SIGLEC11: variants seen among roughly 807,000 people sequenced by gnomAD.
SIGLEC11 encodes sialic acid-binding Ig-like lectin 11.
In SIGLEC11, 47 loss-of-function variants were observed where a neutral mutation model predicts 61.2. The ratio of observed to expected loss-of-function variants is 0.77; its 90% CI spans 0.61 to 0.98. SIGLEC11 has a LOEUF of 0.98. Ranked by LOEUF, SIGLEC11 falls within the 50% of genes least tolerant of loss-of-function variation. The probability of loss-of-function intolerance (pLI) is 0.00; values close to 1 mark genes in which losing one functional copy is unlikely to be tolerated. For synonymous variants in SIGLEC11, 278 were observed against 373.1 expected (o/e 0.75, Z 2.94); for missense variants, 610 against 870.3 (o/e 0.70, Z 3.76).
At chr19:49,958,969 C>T in intron 6 of SIGLEC11, 61 bp downstream of exon 6, 2 of 1,613,290 alleles carry the variant, frequency 1.2e-6, no homozygotes, top group South Asian at 1.1e-5. Flanking sequence ...GGGGACCCTC[C>T]AGACTCCTGG....
Position 49,949,960 on chromosome 19 carries a change from G to T in SIGLEC11, c.*10C>A. 1 of 1,433,114 alleles carries T rather than the reference G, an allele frequency of 7.0e-7. No homozygotes were observed. The highest frequency in any genetic ancestry group is 2.8e-5 in the Admixed American group (1 of 36,332). 88.8% of individuals were successfully genotyped at this position (1,433,114 alleles called of 1,614,324 possible). On this transcript the variant is annotated 3_prime_UTR_variant, in exon 11 of 11. Transcript: ENST00000447370. Reference sequence around the variant, plus strand: ...ACACTTGCTGGTGTCCTGTTGCCATGGAGACCTCTTCACTTTGGAACCATC... The same window carrying T: ...ACACTTGCTGGTGTCCTGTTGCCATTGAGACCTCTTCACTTTGGAACCATC...
chr19:49,950,125 T>G lies in SIGLEC11; in HGVS notation c.1942A>C (p.Ser648Arg). 1 of 1,612,650 alleles carries G rather than the reference T, an allele frequency of 6.2e-7. No individual in the cohort carries two copies. The highest frequency in any genetic ancestry group is 1.7e-4 in the Middle Eastern group (1 of 6,058). The part of the protein sequence containing the change: ...EEQELHYASL[S>R]FQGLRLWEPA... ...TCCCAGAGCCTCAGGCCCTGGAAGC[T>G]GAGGGAGGCATAGTGGAGCTCCTGC... The change falls in exon 11 of 11, where the codon AGC (serine) becomes CGC (arginine). Residue 648 changes from serine to arginine, a missense_variant. Ser to Arg is a moderately radical substitution (Grantham distance 110, BLOSUM62 -1). Transcript: ENST00000447370.
Position 49,958,656 on chromosome 19 carries a change from G to A in SIGLEC11, c.1350C>T (p.Ser450=), listed in dbSNP as rs781189521. The change falls in exon 7 of 11, where the codon AGC becomes AGT. Residue 450 remains serine, a synonymous_variant. Transcript: ENST00000447370. ...TCCCCCACTCACAGTGCACGGAGAG[G>A]CTGAGAGAGACGTGCTGGGAGCCCA... ...HPLGSQHVSL[S]LSVHYPPQLL... The A allele has an allele frequency of 6.3e-7, 1 of 1,599,988 alleles. No individual in the cohort carries two copies. Among genetic ancestry groups the A allele is most frequent in the South Asian group, 1.1e-5 (1 of 88,066 alleles).
In SIGLEC11 at chr19:49,959,034, C is replaced by T. The variant is rs771199442; in HGVS notation, c.1101G>A (p.Arg367=). The T allele has an allele frequency of 6.2e-7, 1 of 1,613,904 alleles. No individual in the cohort carries two copies. The highest frequency in any genetic ancestry group is 8.5e-7 in the Non-Finnish European group (1 of 1,179,832). ...NLRVMVSQAN[R]TVLENLGNGT... ...CTCCTCTGTCTCCTTTCCTACCTGT[C>T]CTGTTTGCTTGGGAAACCATCACTC... Residue 367 remains arginine, a synonymous_variant, in exon 6 of 11, where the codon AGG becomes AGA. Coordinates refer to ENST00000447370, the MANE Select transcript of SIGLEC11 (RefSeq NM_052884.3).
Position 49,959,457 on chromosome 19 carries a change from C to G in SIGLEC11, c.960G>C (p.Glu320Asp). ...AATCCCCGGCCCTTACCCCACGCAG[C>G]TCCAGCCCCAGGGTTCTGGGGCCCC... is the stretch of plus-strand genomic sequence containing the variant. ...HPWGPRTLGL[E>D]LRGVRAGDSG... The change falls in exon 5 of 11, where the codon GAG (glutamate) becomes GAC (aspartate). Residue 320 changes from glutamate to aspartate, a missense_variant. This residue lies in a region of SIGLEC11 where 28 missense variants were observed against 66.9 expected (regional missense o/e 0.42). Coordinates refer to ENST00000447370, the MANE Select transcript of SIGLEC11 (RefSeq NM_052884.3). 1 of 1,591,186 alleles carries G rather than the reference C, an allele frequency of 6.3e-7. No homozygotes were observed. Among genetic ancestry groups the G allele is most frequent in the Non-Finnish European group, 8.5e-7 (1 of 1,178,172 alleles).
At chr19:49,950,945 G>T (rs1479308651) in intron 10 of SIGLEC11, among the ~76,000 whole-genome samples, 3 of 152,098 alleles carry the variant, frequency 2.0e-5, no homozygotes, top group Non-Finnish European at 4.4e-5. Flanking sequence ...GATTCCCCTT[G>T]CCCAGAGAAA....
rs759148240 is a variant in SIGLEC11, at chr19:49,959,438, C to T, written c.979G>A (p.Gly327Arg). 3.1e-5 allele frequency: 49 copies of T among 1,595,026 alleles called. No homozygotes were observed. Among genetic ancestry groups the T allele is most frequent in the South Asian group, 1.8e-4 (16 of 88,952 alleles). The change falls in exon 5 of 11, where the codon GGG (glycine) becomes AGG (arginine). Residue 327 changes from glycine to arginine, a missense_variant. Physicochemically the swap from Gly to Arg is moderately radical, Grantham distance 125. Around this residue, in one of 6 missense-constraint regions of SIGLEC11, gnomAD observed 28 missense variants for 66.9 expected, o/e 0.42. Transcript: ENST00000447370. ...LGLELRGVRA[G>R]DSGRYTCRAE... is the part of the protein sequence containing the mutation. ...CGGCAGGTGTAGCGCCCTGAATCCC[C>T]GGCCCTTACCCCACGCAGCTCCAGC...
intron 8 of SIGLEC11, among the ~76,000 whole-genome samples, chr19:49,957,092 C>T (rs947191658): frequency 1.3e-5 from 2 of 152,078 alleles, no homozygotes; most frequent in Non-Finnish European, 2.9e-5. Context: ...TGGTTCTGGC[C>T]ATACTAGGAA....
intron 8 of SIGLEC11, among the ~76,000 whole-genome samples, chr19:49,957,025 A>G (rs934683842): frequency 2.0e-5 from 3 of 152,226 alleles, no homozygotes; most frequent in African/African-American, 7.2e-5. Context: ...TGGTCTCCAG[A>G]TTCTCTCTTT....
At chr19:49,959,682 G>GGGGGGGGGGGC in intron 4 of SIGLEC11, 59 bp from the exon 5 acceptor site, 11 of 164,028 alleles carry the variant, frequency 6.7e-5, no homozygotes, top group South Asian at 1.3e-4. Context: ...GGGAGGGGGG[G>GGGGGGGGGGGC]CTGCAAAGAG....
Position 49,949,912 on chromosome 19 carries a change from C to T in SIGLEC11, c.*58G>A, listed in dbSNP as rs1007559055. On this transcript the variant is annotated 3_prime_UTR_variant, in exon 11 of 11. Coordinates refer to ENST00000447370, the MANE Select transcript of SIGLEC11 (RefSeq NM_052884.3). ...GCTGAAATCTGAGTCCAGTTCTGGC[C>T]GTCACACCAGTGCGACTCCCACACA... 2.1e-5 allele frequency: 29 copies of T among 1,353,496 alleles called. No individual in the cohort carries two copies. The highest frequency in any genetic ancestry group is 1.9e-4 in the Middle Eastern group (1 of 5,216). 83.8% of individuals were successfully genotyped at this position (1,353,496 alleles called of 1,614,324 possible). A position where few individuals can be genotyped will look rare whatever the true frequency, so the allele number is the denominator to read the frequency against.
At position 49,960,711 on chromosome 19, in the gene SIGLEC11, C is replaced by G; in HGVS notation, c.301G>C (p.Asp101His). The G allele has an allele frequency of 6.2e-7, 1 of 1,611,868 alleles. No homozygotes were observed. Residue 101 changes from aspartate (D) to histidine (H), a missense_variant, in exon 2 of 11, where the codon GAC (aspartate) becomes CAC (histidine). Around this residue, in one of 6 missense-constraint regions of SIGLEC11, gnomAD observed 99 missense variants for 131.6 expected, o/e 0.75. Coordinates refer to ENST00000447370, the MANE Select transcript of SIGLEC11 (RefSeq NM_052884.3). The stretch of plus-strand genomic sequence containing the variant: ...GGATCCCCAGTGAGCTGGAATCGGT[C>G]CCGGGTGCTCATTTCCACCTCTCGA... ...QSREVEMSTR[D>H]RFQLTGDPGK...
At position 49,951,126 on chromosome 19, in the gene SIGLEC11, G is replaced by A. The variant is rs117341358; in HGVS notation, c.1830+765C>T. On this transcript the variant is annotated intron_variant, in intron 10 of 10. Coordinates refer to ENST00000447370, the MANE Select transcript of SIGLEC11 (RefSeq NM_052884.3). The surrounding 1 kb of genome is among the most constrained non-coding windows in gnomAD (Gnocchi z 4.6). The stretch of plus-strand genomic sequence containing the variant: ...TACGTAGCATCAGTTTGGCTCTGCA[G>A]GGGCTGAGGAACTGAAGTCAGTGGC... Among the ~76,000 whole-genome samples the A allele has an allele frequency of 0.047, 7,195 of 152,252 alleles. 230 individuals carry two copies. Among genetic ancestry groups the A allele is most frequent in the Middle Eastern group, 0.078 (23 of 294 alleles).
intron 8 of SIGLEC11, among the ~76,000 whole-genome samples, chr19:49,954,998 A>G (rs2076185969): frequency 6.6e-6 from 1 of 152,206 alleles, no homozygotes. Flanking sequence ...TCAGTTTTAT[A>G]AAAAACTTTG....
intron 8 of SIGLEC11, among the ~76,000 whole-genome samples, chr19:49,953,115 C>T (rs528643351): frequency 3.3e-5 from 5 of 152,312 alleles, no homozygotes; most frequent in East Asian, 1.9e-4. Flanking sequence ...GGGGCTGGAG[C>T]CCCGGGCCTC....
At chr19:49,958,593 T>A in intron 7 of SIGLEC11, 23 bp from the exon 8 acceptor site, 1 of 1,566,124 alleles carries the variant, frequency 6.4e-7, no homozygotes. Flanking sequence ...AGGACAGGAC[T>A]CAGCAGGGGC....
At position 49,961,082 on chromosome 19, in the gene SIGLEC11, C is replaced by T; in HGVS notation, c.-1G>A. On this transcript the variant is annotated 5_prime_UTR_variant, in exon 1 of 11. Transcript: ENST00000447370. Reference sequence around the variant, plus strand: ...GGGGCTGGGCCTGTCCCGGGACCATCTGGCTTCTGGGCCGGCCTGGCTGGG... The same window carrying T: ...GGGGCTGGGCCTGTCCCGGGACCATTTGGCTTCTGGGCCGGCCTGGCTGGG... 7.2e-7 allele frequency: 1 copy of T among 1,387,502 alleles called. No individual in the cohort carries two copies. Among genetic ancestry groups the T allele is most frequent in the Non-Finnish European group, 9.7e-7 (1 of 1,028,374 alleles). 85.9% of individuals were successfully genotyped at this position (1,387,502 alleles called of 1,614,324 possible).
chr19:49,959,203 G>A (rs2076223195), intron 5 of SIGLEC11, 126 bp from the exon 6 acceptor site: 1 of 1,475,498 alleles, frequency 6.8e-7, no homozygotes. Flanking sequence ...ATCACCCACT[G>A]AGTCCCAGAC....
intron 8 of SIGLEC11, among the ~76,000 whole-genome samples, chr19:49,953,935 T>A (rs940067972): frequency 6.6e-6 from 1 of 152,166 alleles, no homozygotes; most frequent in Non-Finnish European, 1.5e-5. Context: ...GAGAACTCTC[T>A]TTGAATTAGA....
Sources: allele counts gnomAD v4.1 joint callset (sites outside exome capture counted in the v4.1 genomes callset), GRCh38; gene constraint gnomAD v4.1.1; regional missense constraint gnomAD v4.1.1; non-coding constraint Gnocchi (gnomAD v3.1); transcripts MANE v1.5; gene names NCBI Gene and HGNC (gene_info 2026-07-23, HGNC 2026-07-21).